Variants in TECPR2 observed in about 807,000 individuals in gnomAD.
The protein encoded by TECPR2 is tectonin beta-propeller repeat containing 2.
In TECPR2, 65 loss-of-function variants were observed where a neutral mutation model predicts 138.1. The ratio of observed to expected loss-of-function variants is 0.47; its 90% CI spans 0.39 to 0.58. The LOEUF is 0.58. Among genes scored for constraint, TECPR2 ranks in the 20% least tolerant of loss-of-function variants. TECPR2 has a pLI of 0.00. For missense variants in TECPR2, 1,553 were observed against 1,824.5 expected (o/e 0.85, Z 2.71); for synonymous variants, 746 against 749.8 (o/e 0.99, Z 0.08).
In TECPR2 at chr14:102,497,564, C is replaced by T; in HGVS notation, c.3932-6C>T. On this transcript the variant is annotated splice_region_variant and splice_polypyrimidine_tract_variant and intron_variant, in intron 18 of 19. Coordinates refer to ENST00000359520, the MANE Select transcript of TECPR2 (RefSeq NM_014844.5). ...GGGGCTCAGGAGGGACCCTGTCTGC[C>T]CACAGGGTTGCAGGCCTGCCAGCTG... 6 of 1,584,316 alleles carry T rather than the reference C, an allele frequency of 3.8e-6. No individual in the cohort carries two copies. The highest frequency in any genetic ancestry group is 5.2e-6 in the Non-Finnish European group (6 of 1,163,482).
At position 102,362,941 on chromosome 14, in the gene TECPR2, A is replaced by T. The variant is rs1414517596; in HGVS notation, c.-248A>T. ...CGTCACGTCCGCCCCGCCCGCTGCCACTTGTGGCTCTGCCGCTCTAGCCCC... is the reference window on the plus strand; with the variant it reads ...CGTCACGTCCGCCCCGCCCGCTGCCTCTTGTGGCTCTGCCGCTCTAGCCCC... On this transcript the variant is annotated 5_prime_UTR_variant, in exon 1 of 20. Coordinates refer to ENST00000359520, the MANE Select transcript of TECPR2 (RefSeq NM_014844.5). 2.0e-6 allele frequency: 3 copies of T among 1,531,790 alleles called. No homozygotes were observed. The highest frequency in any genetic ancestry group is 1.8e-5 in the Admixed American group (1 of 54,622). The allele number at this position is 1,531,790 out of a possible 1,614,324, so 94.9% of individuals were successfully genotyped here.
At chr14:102,497,833 C>T (rs982931597) in intron 19 of TECPR2, 114 bp downstream of exon 19, 3 of 1,361,014 alleles carry the variant, frequency 2.2e-6, no homozygotes, top group Non-Finnish European at 2.9e-6. Context: ...TCTCTCAAAG[C>T]AAGAACTGAG....
intron 17 of TECPR2, among the ~76,000 whole-genome samples, chr14:102,483,791 CTTTTTT>C (rs71119708): frequency 4.3e-5 from 4 of 92,468 alleles, no homozygotes; most frequent in Non-Finnish European, 8.1e-5. Flanking sequence ...TTTTCCTTTT[CTTTTTT>C]TTTTTTTTTT....
chr14:102,410,482 TAAA>T, intron 4 of TECPR2, among the ~76,000 whole-genome samples: 1 of 62,652 alleles, frequency 1.6e-5, no homozygotes, highest in Admixed American at 1.4e-4. Context: ...AAAAAAAAAA[TAAA>T]AAATAAAAAA....
At chr14:102,437,923 C>T in intron 9 of TECPR2, 99 bp from the exon 10 acceptor site, 1 of 1,385,094 alleles carries the variant, frequency 7.2e-7, no homozygotes, top group Non-Finnish European at 9.8e-7. Context: ...GTTTTACCGT[C>T]TCGTGTTAAT....
intron 15 of TECPR2, among the ~76,000 whole-genome samples, chr14:102,451,951 C>T (rs1053648555): frequency 2.4e-4 from 37 of 152,162 alleles, no homozygotes; most frequent in Non-Finnish European, 3.8e-4. Context: ...AGCACCATGG[C>T]GCCATCCTTC....
Position 102,440,482 on chromosome 14 carries a change from T to A in TECPR2, c.2625T>A (p.Ala875=), listed in dbSNP as rs779230418. The A allele has an allele frequency of 6.2e-7, 1 of 1,614,120 alleles. No individual in the cohort carries two copies. Among genetic ancestry groups the A allele is most frequent in the African/African-American group, 1.3e-5 (1 of 74,944 alleles). Reference sequence around the variant, plus strand: ...AACAGAAATCTAACCGGGCTTTTGCTTGTGGGAAAGTCACCATCAAGGGGA... The same window carrying A: ...AACAGAAATCTAACCGGGCTTTTGCATGTGGGAAAGTCACCATCAAGGGGA... ...KIEQKSNRAF[A]CGKVTIKGKR... is the part of the protein sequence containing the mutation. The change falls in exon 11 of 20, where the codon GCT becomes GCA. Residue 875 remains alanine, a synonymous_variant. Transcript: ENST00000359520.
chr14:102,433,002 CAAAAA>C (rs567150393), intron 8 of TECPR2, among the ~76,000 whole-genome samples: 1 of 51,632 alleles, frequency 1.9e-5, no homozygotes. Context: ...GACTCCGTCT[CAAAAA>C]AAAAAAAAAA....
At chr14:102,484,933 A>G (rs991046876) in intron 17 of TECPR2, among the ~76,000 whole-genome samples, 7 of 152,236 alleles carry the variant, frequency 4.6e-5, no homozygotes, top group Non-Finnish European at 1.0e-4. Context: ...TGCTGGGATT[A>G]CAGGCGCGAG....
At chr14:102,429,458 G>A (rs1717259155) in intron 7 of TECPR2, among the ~76,000 whole-genome samples, 1 of 152,126 alleles carries the variant, frequency 6.6e-6, no homozygotes. Context: ...TTTTCTCTGT[G>A]CTTTTGACAT....
chr14:102,376,544 C>T, intron 1 of TECPR2, 106 bp from the exon 2 acceptor site: 1 of 609,240 alleles, frequency 1.6e-6, no homozygotes, highest in Non-Finnish European at 2.9e-6. Context: ...TATTTAAGCT[C>T]CAGCTATAAT....
intron 5 of TECPR2, among the ~76,000 whole-genome samples, chr14:102,422,047 A>G (rs947730651): frequency 2.6e-5 from 4 of 151,750 alleles, no homozygotes; most frequent in Non-Finnish European, 4.4e-5. Flanking sequence ...TTGTATAATC[A>G]CGTTTAAAAA....
intron 17 of TECPR2, among the ~76,000 whole-genome samples, chr14:102,466,637 A>G (rs1890555033): frequency 6.6e-6 from 1 of 152,108 alleles, no homozygotes; most frequent in Admixed American, 6.6e-5. Context: ...TTTTCCTTCT[A>G]ACAACTTTAT....
intron 8 of TECPR2, 86 bp from the exon 9 acceptor site, chr14:102,434,148 TC>T: frequency 7.8e-7 from 1 of 1,279,442 alleles, no homozygotes; most frequent in Non-Finnish European, 1.0e-6. Context: ...AAATTTTTTT[TC>T]TTGAGCCAAA....
chr14:102,454,376 G>T (rs1890226360), intron 16 of TECPR2, among the ~76,000 whole-genome samples: 1 of 152,136 alleles, frequency 6.6e-6, no homozygotes, highest in Admixed American at 6.6e-5. Context: ...GCCTGAAAAG[G>T]CCCCTGAACA....
chr14:102,450,774 G>A lies in TECPR2; in HGVS notation c.3406+125G>A, dbSNP rs1476400691. 4 of 906,180 alleles carry A rather than the reference G, an allele frequency of 4.4e-6. No individual in the cohort carries two copies. The Admixed American group carries it at 8.5e-5, about 19-fold the overall frequency. 56.1% of individuals were successfully genotyped at this position (906,180 alleles called of 1,614,324 possible). A position where few individuals can be genotyped will look rare whatever the true frequency, so the allele number is the denominator to read the frequency against. The stretch of plus-strand genomic sequence containing the variant: ...TGCCTCGGAGACTGACCACGTGAGG[G>A]TGTCAGAGGCCAGTAGCCCTTGTTA... On this transcript the variant is annotated intron_variant, in intron 15 of 19. Transcript: ENST00000359520.
intron 17 of TECPR2, among the ~76,000 whole-genome samples, chr14:102,479,982 AC>A (rs1190633617): frequency 6.6e-6 from 1 of 152,236 alleles, no homozygotes; most frequent in Non-Finnish European, 1.5e-5. Context: ...AGAATCTGTT[AC>A]TTGCAATCAG....
At chr14:102,476,341 G>A (rs1890761720) in intron 17 of TECPR2, among the ~76,000 whole-genome samples, 1 of 150,572 alleles carries the variant, frequency 6.6e-6, no homozygotes, top group Non-Finnish European at 1.5e-5. Flanking sequence ...AGATGAGCCT[G>A]GGCAAGATGG....
intron 9 of TECPR2, among the ~76,000 whole-genome samples, chr14:102,435,694 T>C (rs1048569384): frequency 6.6e-6 from 1 of 152,212 alleles, no homozygotes; most frequent in African/African-American, 2.4e-5. Flanking sequence ...AACTGCTGTC[T>C]CCTCAACCTC....
Sources: gnomAD v4.1 joint callset for allele counts (sites outside exome capture counted in the v4.1 genomes callset) on GRCh38, gnomAD v4.1.1 for gene constraint, MANE v1.5 for transcripts, NCBI Gene and HGNC (gene_info 2026-07-23, HGNC 2026-07-21) for gene names.